Variants in SF3B3 observed in about 807,000 individuals in gnomAD.
SF3B3 encodes the protein splicing factor 3b subunit 3, also known as SAP 130.
SF3B3 carries 33 observed loss-of-function variants against 139.2 expected under a neutral mutation model. The ratio of observed to expected loss-of-function variants is 0.24; its 90% confidence interval spans 0.18 to 0.32. The LOEUF (loss-of-function observed/expected upper bound fraction) is 0.32, where lower values mean the gene tolerates loss of function less well. Among genes scored for constraint, SF3B3 ranks in the 10% least tolerant of loss-of-function variants. The probability of loss-of-function intolerance (pLI) is 1.00; values close to 1 mark genes in which losing one functional copy is unlikely to be tolerated. For missense variants in SF3B3, 818 were observed against 1,509.4 expected (o/e 0.54, Z 7.59); for synonymous variants, 596 against 563.6 (o/e 1.06, Z -0.81).
At chr16:70,536,893 CT>C (rs1334370241) in intron 6 of SF3B3, among the ~76,000 whole-genome samples, 1 of 150,666 alleles carries the variant, frequency 6.6e-6, no homozygotes, top group Non-Finnish European at 1.5e-5. Context: ...TCACTGCATC[CT>C]TGACCTCCCA....
In SF3B3 at chr16:70,544,742, G is replaced by A. The variant is rs114468296; in HGVS notation, c.1329+209G>A. ...GTCTCACTGTGTTGCCCAGGCTGGT[G>A]TGCAATGACATGATCTTGGCTCACT... On this transcript the variant is annotated intron_variant, in intron 10 of 25. Coordinates refer to ENST00000302516, the MANE Select transcript of SF3B3 (RefSeq NM_012426.5). 3.5e-3 allele frequency among the ~76,000 whole-genome samples: 526 copies of A among 152,330 alleles called. 7 individuals carry two copies. The highest frequency in any genetic ancestry group is 0.012 in the African/African-American group (490 of 41,580).
chr16:70,555,832 C>T (rs888171860), intron 13 of SF3B3, among the ~76,000 whole-genome samples: 1 of 152,148 alleles, frequency 6.6e-6, no homozygotes, highest in Non-Finnish European at 1.5e-5. Context: ...TATTTGAATT[C>T]CCTTCACCCA....
chr16:70,573,920 C>G lies in SF3B3; in HGVS notation c.*2107C>G, dbSNP rs1307804146. The G allele has an allele frequency of 1.3e-5, 2 of 152,324 alleles. No homozygotes were observed. Among genetic ancestry groups the G allele is most frequent in the East Asian group, 3.9e-4 (2 of 5,188 alleles). The allele number at this position is 152,324 out of a possible 1,614,324, so 9.4% of individuals were successfully genotyped here. A position where few individuals can be genotyped will look rare whatever the true frequency, so the allele number is the denominator to read the frequency against. On this transcript the variant is annotated 3_prime_UTR_variant, in exon 26 of 26. Coordinates refer to ENST00000302516, the MANE Select transcript of SF3B3 (RefSeq NM_012426.5). ...TGCAGATGTTTCCTTTGGAAGATCTCTTGCCAAGAATAGCATTCCTTTGGA... is the reference window on the plus strand; with the variant it reads ...TGCAGATGTTTCCTTTGGAAGATCTGTTGCCAAGAATAGCATTCCTTTGGA...
chr16:70,566,819 C>T (rs1294192153), intron 20 of SF3B3, among the ~76,000 whole-genome samples: 1 of 152,062 alleles, frequency 6.6e-6, no homozygotes, highest in Non-Finnish European at 1.5e-5. Context: ...GAGTCTGAGT[C>T]GAGCAGGTCA....
rs2050580343 is a variant in SF3B3 at position 70,576,334 on chromosome 16, T to C, written c.*4521T>C. On this transcript the variant is annotated 3_prime_UTR_variant, in exon 26 of 26. Transcript: ENST00000302516. Reference sequence around the variant, plus strand: ...ACCCCACCCCCGTATGCAGCATCTCTGGCGGTGCCCAGAGGCAAGCCCCCT... The same window carrying C: ...ACCCCACCCCCGTATGCAGCATCTCCGGCGGTGCCCAGAGGCAAGCCCCCT... 8.2e-6 allele frequency: 1 copy of C among 121,812 alleles called. No homozygotes were observed. The highest frequency in any genetic ancestry group is 1.0e-4 in the Admixed American group (1 of 9,816). 7.5% of individuals were successfully genotyped at this position (121,812 alleles called of 1,614,324 possible). A position where few individuals can be genotyped will look rare whatever the true frequency, so the allele number is the denominator to read the frequency against.
Position 70,565,208 on chromosome 16 carries a change from G to T in SF3B3, c.2607G>T (p.Met869Ile). 6.2e-7 allele frequency: 1 copy of T among 1,614,190 alleles called. No homozygotes were observed. The highest frequency in any genetic ancestry group is 8.5e-7 in the Non-Finnish European group (1 of 1,180,030). ...AGTGGGCCTCTGTGATCCGAGTGATGAATCCCATTCAAGGGAACACACTGG... is the reference window on the plus strand; with the variant it reads ...AGTGGGCCTCTGTGATCCGAGTGATTAATCCCATTCAAGGGAACACACTGG... ...NGQWASVIRV[M>I]NPIQGNTLDL... Residue 869 changes from methionine to isoleucine, a missense_variant, in exon 19 of 26, where the codon ATG becomes ATT. Met to Ile is a conservative substitution (Grantham distance 10). Transcript: ENST00000302516.
At chr16:70,539,456 GA>G (rs1242760584) in intron 8 of SF3B3, among the ~76,000 whole-genome samples, 1 of 152,094 alleles carries the variant, frequency 6.6e-6, no homozygotes, top group Non-Finnish European at 1.5e-5. Context: ...GCTGAGGCAG[GA>G]GAATCACTTG....
intron 6 of SF3B3, among the ~76,000 whole-genome samples, chr16:70,536,376 T>G (rs1204874652): frequency 6.6e-6 from 1 of 151,988 alleles, no homozygotes; most frequent in African/African-American, 2.4e-5. Context: ...ATTTATTTAT[T>G]TATTTGAGAC....
chr16:70,573,949 G>T lies in SF3B3; in HGVS notation c.*2136G>T, dbSNP rs1462189250. 6.6e-6 allele frequency: 1 copy of T among 152,182 alleles called. No homozygotes were observed. The highest frequency in any genetic ancestry group is 1.5e-5 in the Non-Finnish European group (1 of 68,028). 9.4% of individuals were successfully genotyped at this position (152,182 alleles called of 1,614,324 possible). ...CCAAGAATAGCATTCCTTTGGAGGA[G>T]GGGGGTTCTAGTTGGAATGTTGCTT... On this transcript the variant is annotated 3_prime_UTR_variant, in exon 26 of 26. Coordinates refer to ENST00000302516, the MANE Select transcript of SF3B3 (RefSeq NM_012426.5).
chr16:70,541,203 T>G (rs978227673), intron 8 of SF3B3, among the ~76,000 whole-genome samples: 1 of 152,258 alleles, frequency 6.6e-6, no homozygotes, highest in Non-Finnish European at 1.5e-5. Flanking sequence ...ATGAGTGATG[T>G]TGAGCATCTT....
chr16:70,571,942 A>G lies in SF3B3; in HGVS notation c.*129A>G. ...AATTAAGACTGCATTATGAAAGTCA[A>G]CAGCTCTTTCCCCTCAGCTCTTCTC... is the stretch of plus-strand genomic sequence containing the variant. On this transcript the variant is annotated 3_prime_UTR_variant, in exon 26 of 26. Coordinates refer to ENST00000302516, the MANE Select transcript of SF3B3 (RefSeq NM_012426.5). 8.8e-7 allele frequency: 1 copy of G among 1,137,132 alleles called. No homozygotes were observed. The highest frequency in any genetic ancestry group is 1.5e-5 in the South Asian group (1 of 67,936). 70.4% of individuals were successfully genotyped at this position (1,137,132 alleles called of 1,614,324 possible).
chr16:70,556,144 G>A (rs749492417), intron 13 of SF3B3, 35 bp from the exon 14 acceptor site: 29 of 1,612,378 alleles, frequency 1.8e-5, no homozygotes, highest in South Asian at 1.8e-4. Context: ...CCATCCCTCT[G>A]TAGTTTTGAC....
Position 70,562,396 on chromosome 16 carries a change from A to G in SF3B3, c.2288+612A>G, listed in dbSNP as rs150452083. On this transcript the variant is annotated intron_variant, in intron 17 of 25. Coordinates refer to ENST00000302516, the MANE Select transcript of SF3B3 (RefSeq NM_012426.5). ...TTCATAATGAAACTATGGCCTCTTG[A>G]TAGATTAATCACTATTGCTTATCAA... Among the ~76,000 whole-genome samples, 4 of 152,322 alleles carry G rather than the reference A, an allele frequency of 2.6e-5. No individual in the cohort carries two copies. The East Asian group carries it at 5.8e-4, about 22-fold the overall frequency.
chr16:70,530,331 T>C (rs1489800387), intron 3 of SF3B3, among the ~76,000 whole-genome samples: 2 of 147,728 alleles, frequency 1.4e-5, no homozygotes, highest in Admixed American at 6.7e-5. Flanking sequence ...TTTTTTTTTT[T>C]CAAATGAGGC....
At chr16:70,541,640 G>GA in intron 8 of SF3B3, 29 bp from the exon 9 acceptor site, 2 of 1,597,824 alleles carry the variant, frequency 1.3e-6, no homozygotes, top group Non-Finnish European at 1.7e-6. Flanking sequence ...ACTCGTTACC[G>GA]AAAGTTTCTC....
rs1023145163 is a variant in SF3B3 at position 70,577,319 on chromosome 16, G to A, written c.*5506G>A. The A allele has an allele frequency of 2.6e-5, 4 of 152,294 alleles. No homozygotes were observed. The highest frequency in any genetic ancestry group is 9.7e-5 in the African/African-American group (4 of 41,432). 9.4% of individuals were successfully genotyped at this position (152,294 alleles called of 1,614,324 possible). On this transcript the variant is annotated 3_prime_UTR_variant, in exon 26 of 26. Transcript: ENST00000302516. ...ATTCCAAGCCAAGAGGCCCCAGAGA[G>A]GGCACCGTGCGGTGTTCAGGCTTCT...
Position 70,548,396 on chromosome 16 carries a change from A to C in SF3B3, c.1356A>C (p.Leu452=). The change falls in exon 11 of 26, where the codon CTA becomes CTC. Residue 452 remains leucine (L), a synonymous_variant. Coordinates refer to ENST00000302516, the MANE Select transcript of SF3B3 (RefSeq NM_012426.5). Reference sequence around the variant, plus strand: ...TGTCAGAAATGGCTGTTTCTGAGCTACCTGGTAACCCCAACGCTGTCTGGA... The same window carrying C: ...TGTCAGAAATGGCTGTTTCTGAGCTCCCTGGTAACCCCAACGCTGTCTGGA... ...LEVSEMAVSE[L]PGNPNAVWTV... is the part of the protein sequence containing the mutation. 1 of 1,614,036 alleles carries C rather than the reference A, an allele frequency of 6.2e-7. No individual in the cohort carries two copies.
At chr16:70,534,316 G>A (rs1345734586) in intron 5 of SF3B3, among the ~76,000 whole-genome samples, 1 of 152,226 alleles carries the variant, frequency 6.6e-6, no homozygotes, top group Non-Finnish European at 1.5e-5. Context: ...TAAGGGACTG[G>A]GGTAGGAGTA....
At chr16:70,525,468 T>C (rs754859122) in intron 1 of SF3B3, among the ~76,000 whole-genome samples, 1 of 152,164 alleles carries the variant, frequency 6.6e-6, no homozygotes, top group Non-Finnish European at 1.5e-5. Context: ...TAATGGATTG[T>C]ATCAGTTATA....
Sources: gnomAD v4.1 joint callset for allele counts (sites outside exome capture counted in the v4.1 genomes callset) on GRCh38, gnomAD v4.1.1 for gene constraint, MANE v1.5 for transcripts, NCBI Gene and HGNC (gene_info 2026-07-23, HGNC 2026-07-21) for gene names.